The following THSD7B variants were observed in gnomAD, a reference collection of about 807,000 sequenced individuals.
THSD7B encodes thrombospondin type-1 domain-containing protein 7B.
A neutral mutation model predicts 213.6 loss-of-function variants in THSD7B; 138 were observed. The observed-to-expected ratio is 0.65, with a 90% CI of 0.56 to 0.74. The LOEUF is 0.74. Among genes scored for constraint, THSD7B ranks in the 30% least tolerant of loss-of-function variants. The probability of loss-of-function intolerance (pLI) is 0.00; values close to 1 mark genes in which losing one functional copy is unlikely to be tolerated. For synonymous variants in THSD7B, 742 were observed against 687.0 expected (o/e 1.08, Z -1.25); for missense variants, 1,931 against 1,991.5 (o/e 0.97, Z 0.58).
intron 15 of THSD7B, among the ~76,000 whole-genome samples, chr2:137,530,989 G>A (rs776195767): frequency 6.6e-6 from 1 of 151,848 alleles, no homozygotes; most frequent in Non-Finnish European, 1.5e-5. Flanking sequence ...ACAATCTTTG[G>A]GATGCATTTT....
intron 2 of THSD7B, among the ~76,000 whole-genome samples, chr2:137,037,793 G>A (rs529138393): frequency 1.8e-4 from 27 of 152,142 alleles, no homozygotes; most frequent in Admixed American, 1.3e-3. Context: ...TATATTAGCT[G>A]GATGTCCTAT....
chr2:137,186,521 A>G (rs1680554540), intron 7 of THSD7B, among the ~76,000 whole-genome samples: 1 of 152,112 alleles, frequency 6.6e-6, no homozygotes, highest in African/African-American at 2.4e-5. Context: ...GGATGACTGT[A>G]GATGTGTGGC....
chr2:137,563,389 G>A, intron 16 of THSD7B, 35 bp downstream of exon 16: 1 of 1,607,868 alleles, frequency 6.2e-7, no homozygotes, highest in Non-Finnish European at 8.5e-7. Context: ...GAAATAGGGG[G>A]AAGTGGAACT....
intron 13 of THSD7B, 21 bp from the exon 14 acceptor site, chr2:137,411,588 T>C (rs1463285): frequency 1 from 1,586,912 of 1,591,962 alleles, 791,033 homozygotes; most frequent in Non-Finnish European, 1. Flanking sequence ...TTTAATATCT[T>C]AATGTCTCTT....
chr2:137,575,742 A>ATATATATATATATATTTTTT (rs1235744133), intron 17 of THSD7B, among the ~76,000 whole-genome samples: 10 of 147,418 alleles, frequency 6.8e-5, no homozygotes, highest in South Asian at 4.5e-4. Context: ...ATATATATAT[A>ATATATATATATATATTTTTT]TTTTTACTTT....
intron 14 of THSD7B, among the ~76,000 whole-genome samples, chr2:137,422,302 T>G (rs1005575807): frequency 5.3e-5 from 8 of 152,254 alleles, no homozygotes; most frequent in African/African-American, 1.7e-4. Context: ...TATTTCCTTT[T>G]ACTTTTGTTT....
At chr2:137,403,647 C>T (rs1156517593) in intron 12 of THSD7B, among the ~76,000 whole-genome samples, 1 of 152,228 alleles carries the variant, frequency 6.6e-6, no homozygotes, top group Non-Finnish European at 1.5e-5. Flanking sequence ...GCCATTTAAA[C>T]ACAAAGATAT....
At chr2:137,658,874 C>T (rs891722196) in intron 24 of THSD7B, among the ~76,000 whole-genome samples, 2 of 152,158 alleles carry the variant, frequency 1.3e-5, no homozygotes, top group East Asian at 1.9e-4. Context: ...CTTATCCAAA[C>T]GCTAGAACCT....
In THSD7B at chr2:137,552,742, G is replaced by A. The variant is rs144547515; in HGVS notation, c.3139-10479G>A. On this transcript the variant is annotated intron_variant, in intron 15 of 27. Transcript: ENST00000409968. Reference sequence around the variant, plus strand: ...ATAAAAATGGAAGCACAACTTCTTTGTGTAAGTGTGATCCTTTCCAGTCAG... The same window carrying A: ...ATAAAAATGGAAGCACAACTTCTTTATGTAAGTGTGATCCTTTCCAGTCAG... 3.4e-3 allele frequency among the ~76,000 whole-genome samples: 513 copies of A among 152,346 alleles called. 3 individuals are homozygous for A. Among genetic ancestry groups the A allele is most frequent in the Non-Finnish European group, 5.6e-3 (382 of 68,032 alleles).
chr2:137,426,241 T>C (rs1275057335), intron 14 of THSD7B, among the ~76,000 whole-genome samples: 1 of 152,110 alleles, frequency 6.6e-6, no homozygotes, highest in Non-Finnish European at 1.5e-5. Context: ...ATTGTCAAAA[T>C]GTTTATACTA....
intron 20 of THSD7B, among the ~76,000 whole-genome samples, chr2:137,626,229 G>A (rs1335203951): frequency 2.0e-5 from 3 of 152,142 alleles, no homozygotes; most frequent in East Asian, 1.9e-4. Context: ...TTGGGAGGCC[G>A]AGGCGGGCGG....
At chr2:137,304,892 T>G (rs1488964054) in intron 12 of THSD7B, among the ~76,000 whole-genome samples, 1 of 152,146 alleles carries the variant, frequency 6.6e-6, no homozygotes, top group Non-Finnish European at 1.5e-5. Flanking sequence ...ATATTCATAA[T>G]GTACATGAGT....
intron 17 of THSD7B, among the ~76,000 whole-genome samples, chr2:137,611,733 A>G (rs1028915631): frequency 2.0e-5 from 3 of 152,178 alleles, no homozygotes; most frequent in African/African-American, 7.2e-5. Context: ...CATATAAAAA[A>G]TTAGTAAATT....
At chr2:137,089,491 G>T (rs1273914836) in intron 3 of THSD7B, among the ~76,000 whole-genome samples, 1 of 151,558 alleles carries the variant, frequency 6.6e-6, no homozygotes, top group Non-Finnish European at 1.5e-5. Context: ...AAAAAGGAAT[G>T]AATTAATGGC....
At chr2:137,257,796 T>C (rs746275005) in intron 10 of THSD7B, among the ~76,000 whole-genome samples, 28 of 152,084 alleles carry the variant, frequency 1.8e-4, no homozygotes, top group Non-Finnish European at 2.8e-4. Flanking sequence ...CATCTAAGGA[T>C]TGGAGGAAAT....
intron 12 of THSD7B, among the ~76,000 whole-genome samples, chr2:137,353,502 A>T (rs1685060914): frequency 6.6e-6 from 1 of 152,044 alleles, no homozygotes; most frequent in Non-Finnish European, 1.5e-5. Context: ...GCAGGAGTGG[A>T]CTCTATGATA....
Position 137,563,246 on chromosome 2 carries a change from G to A in THSD7B, c.3164G>A (p.Ser1055Asn). ...NQVHEAVPCY[S>N]ECNQYSWVVE... is the part of the protein sequence containing the mutation. ...GTACATGAGGCAGTCCCATGTTACA[G>A]TGAGTGCAATCAGTATTCCTGGGTT... Residue 1055 changes from serine (S) to asparagine (N), a missense_variant, in exon 16 of 28, where the codon AGT becomes AAT. Transcript: ENST00000409968. 2.5e-6 allele frequency: 4 copies of A among 1,613,406 alleles called. No individual in the cohort carries two copies. The highest frequency in any genetic ancestry group is 1.7e-4 in the Middle Eastern group (1 of 6,060).
intron 12 of THSD7B, among the ~76,000 whole-genome samples, chr2:137,381,218 A>T (rs1685766287): frequency 6.6e-6 from 1 of 152,162 alleles, no homozygotes; most frequent in Non-Finnish European, 1.5e-5. Flanking sequence ...CTCTGGTAGA[A>T]ACCTGGGTGG....
intron 27 of THSD7B, among the ~76,000 whole-genome samples, chr2:137,675,445 T>TATATATATGC (rs1199450259): frequency 3.5e-4 from 40 of 114,456 alleles, no homozygotes; most frequent in African/African-American, 1.4e-3. Context: ...TATATATATA[T>TATATATATGC]ATGCGGACAG....
Sources: allele counts gnomAD v4.1 joint callset (sites outside exome capture counted in the v4.1 genomes callset), GRCh38; gene constraint gnomAD v4.1.1; transcripts MANE v1.5; gene names NCBI Gene and HGNC (gene_info 2026-07-23, HGNC 2026-07-21).